The following AMPH variants were observed in gnomAD, a reference collection of about 807,000 sequenced individuals.
AMPH encodes amphiphysin (Stiff-Mann syndrome with breast cancer 128kD autoantigen).
A neutral mutation model predicts 99.1 loss-of-function variants in AMPH; 49 were observed. The ratio of observed to expected loss-of-function variants is 0.49; its 90% CI spans 0.39 to 0.63. The LOEUF is 0.63. Ranked by LOEUF, AMPH falls within the 20% of genes least tolerant of loss-of-function variation. The pLI is 0.00. For synonymous variants in AMPH, 314 were observed against 317.3 expected, an observed-to-expected ratio of 0.99 and a Z score of 0.11; for missense variants, 759 against 863.4, an observed-to-expected ratio of 0.88 and a Z score of 1.52.
intron 11 of AMPH, among the ~76,000 whole-genome samples, chr7:38,456,229 G>A (rs1305672062): frequency 4.6e-5 from 7 of 152,034 alleles, no homozygotes; most frequent in Non-Finnish European, 1.0e-4. Flanking sequence ...AAGGCACAAG[G>A]AAACTACGTG....
rs538791864 is a variant in AMPH at position 38,441,736 on chromosome 7, T to A, written c.1018-5348A>T. Among the ~76,000 whole-genome samples the A allele has an allele frequency of 2.0e-4, 29 of 148,094 alleles. No individual in the cohort carries two copies. In the South Asian group the frequency reaches 5.9e-3, roughly 30 times the overall value. The stretch of plus-strand genomic sequence containing the variant: ...AGGCCTGGATAAAGAAAATGATATA[T>A]ATGACAGATATATCATATATATATC... On this transcript the variant is annotated intron_variant, in intron 11 of 20. Coordinates refer to ENST00000356264, the MANE Select transcript of AMPH (RefSeq NM_001635.4).
At position 38,394,304 on chromosome 7, in the gene AMPH, T is replaced by A. The variant is rs1040632262; in HGVS notation, c.1399-90A>T. 5.3e-6 allele frequency: 7 copies of A among 1,331,764 alleles called. No homozygotes were observed. The Admixed American group carries it at 9.7e-5, about 18-fold the overall frequency. The allele number at this position is 1,331,764 out of a possible 1,614,324, so 82.5% of individuals were successfully genotyped here. On this transcript the variant is annotated intron_variant, in intron 17 of 20. Coordinates refer to ENST00000356264, the MANE Select transcript of AMPH (RefSeq NM_001635.4). ...AAGCCTATTTCTAATCTCCCCTCTGTGGAGGCTATTCAGATTTGGAACATT... is the reference window on the plus strand; with the variant it reads ...AAGCCTATTTCTAATCTCCCCTCTGAGGAGGCTATTCAGATTTGGAACATT...
intron 1 of AMPH, among the ~76,000 whole-genome samples, chr7:38,570,945 T>TC (rs1239815583): frequency 8.8e-5 from 2 of 22,688 alleles, no homozygotes; most frequent in Admixed American, 4.5e-4. Flanking sequence ...ATATATATAT[T>TC]TATATATATA....
intron 17 of AMPH, among the ~76,000 whole-genome samples, chr7:38,401,628 T>C (rs2128979763): frequency 6.6e-6 from 1 of 152,372 alleles, no homozygotes; most frequent in South Asian, 2.1e-4. Flanking sequence ...TAATAGCTTC[T>C]GACCTTTAGT....
At chr7:38,589,613 G>A (rs1792781683) in intron 1 of AMPH, among the ~76,000 whole-genome samples, 2 of 152,174 alleles carry the variant, frequency 1.3e-5, no homozygotes, top group African/African-American at 2.4e-5. Flanking sequence ...CAACAATTTT[G>A]TAGAATACTG....
chr7:38,527,127 A>C (rs1790219106), intron 2 of AMPH, among the ~76,000 whole-genome samples: 1 of 149,968 alleles, frequency 6.7e-6, no homozygotes, highest in Non-Finnish European at 1.5e-5. Context: ...CTACATGTCT[A>C]TCTCTCTGCC....
At chr7:38,516,799 G>A (rs1431898738) in intron 2 of AMPH, among the ~76,000 whole-genome samples, 1 of 152,226 alleles carries the variant, frequency 6.6e-6, no homozygotes, top group Non-Finnish European at 1.5e-5. Context: ...GAGCCACAGA[G>A]GCAGAGCTGC....
intron 1 of AMPH, among the ~76,000 whole-genome samples, chr7:38,615,899 T>C (rs2129068370): frequency 6.6e-6 from 1 of 152,156 alleles, no homozygotes; most frequent in East Asian, 1.9e-4. Context: ...GGCAGAGCAA[T>C]GAAGGTGAGC....
intron 1 of AMPH, among the ~76,000 whole-genome samples, chr7:38,570,452 C>T (rs1791901875): frequency 6.6e-6 from 1 of 152,016 alleles, no homozygotes; most frequent in South Asian, 2.1e-4. Context: ...AATGGTACTC[C>T]CATAAGATTG....
intron 1 of AMPH, among the ~76,000 whole-genome samples, chr7:38,599,668 T>C (rs1793177525): frequency 6.6e-6 from 1 of 152,166 alleles, no homozygotes; most frequent in Non-Finnish European, 1.5e-5. Context: ...GGTAAATATA[T>C]ATCTACATAT....
rs190753972 is a variant in AMPH, at chr7:38,429,737, T to A, written c.1182+105A>T. 5 of 1,384,214 alleles carry A rather than the reference T, an allele frequency of 3.6e-6. No homozygotes were observed. The Admixed American group carries it at 1.0e-4, about 29-fold the overall frequency. 85.7% of individuals were successfully genotyped at this position (1,384,214 alleles called of 1,614,324 possible). A position where few individuals can be genotyped will look rare whatever the true frequency, so the allele number is the denominator to read the frequency against. The stretch of plus-strand genomic sequence containing the variant: ...TTCATTGGCTTAAGGTTTAAATCTA[T>A]GACTAGCAATGCCATGGGGAAACAG... On this transcript the variant is annotated intron_variant, in intron 14 of 20. Transcript: ENST00000356264.
chr7:38,462,234 G>A (rs1205300972), intron 10 of AMPH, among the ~76,000 whole-genome samples: 1 of 152,148 alleles, frequency 6.6e-6, no homozygotes, highest in African/African-American at 2.4e-5. Flanking sequence ...TTTAAGGTAG[G>A]CTGGGCTAAG....
chr7:38,395,894 AG>A lies in AMPH; in HGVS notation c.1399-1681del, dbSNP rs369967076. ...TTTAAAAACGTTTCTGCTGGCTCAA[AG>A]GTACAGGTAATAGTTTAAATAAAAA... On this transcript the variant is annotated intron_variant, in intron 17 of 20. Coordinates refer to ENST00000356264, the MANE Select transcript of AMPH (RefSeq NM_001635.4). Among the ~76,000 whole-genome samples, 12 of 152,354 alleles carry A rather than the reference AG, an allele frequency of 7.9e-5. No homozygotes were observed. The South Asian group carries it at 2.5e-3, about 32-fold the overall frequency.
intron 1 of AMPH, among the ~76,000 whole-genome samples, chr7:38,571,282 T>TATATATAGA (rs1791998838): frequency 2.4e-5 from 1 of 41,116 alleles, no homozygotes; most frequent in Admixed American, 4.3e-4. Flanking sequence ...TATATATTTT[T>TATATATAGA]ATATATATTT....
chr7:38,436,105 T>C (rs2128995726), intron 12 of AMPH, among the ~76,000 whole-genome samples, 167 bp downstream of exon 12: 2 of 152,298 alleles, frequency 1.3e-5, no homozygotes, highest in East Asian at 3.9e-4. Context: ...TTAGAATAAC[T>C]GATATAGATA....
chr7:38,428,483 A>G (rs1218608189), intron 14 of AMPH: 1 of 456,702 alleles, frequency 2.2e-6, no homozygotes, highest in Non-Finnish European at 4.4e-6. Flanking sequence ...CCTGATTTTT[A>G]TCCCTGTCAC....
At chr7:38,620,253 C>G (rs1794003513) in intron 1 of AMPH, among the ~76,000 whole-genome samples, 2 of 151,948 alleles carry the variant, frequency 1.3e-5, no homozygotes, top group East Asian at 3.9e-4. Context: ...CTCTCTCGCT[C>G]GTTCACTCTC....
At chr7:38,593,901 G>A (rs984445451) in intron 1 of AMPH, among the ~76,000 whole-genome samples, 3 of 152,202 alleles carry the variant, frequency 2.0e-5, no homozygotes, top group African/African-American at 7.2e-5. Context: ...GCGGGAGGGT[G>A]GTGGGAAATG....
Position 38,389,892 on chromosome 7 carries a change from T to C in AMPH, c.1892A>G (p.His631Arg). ...PGFLYKVETL[H>R]DFEAANSDEL... ...ATCAGAATTTGCTGCCTCAAAATCA[T>C]GCAGTGTTTCCACCTGCAGAAGATA... is the stretch of plus-strand genomic sequence containing the variant. Residue 631 changes from histidine to arginine, a missense_variant, in exon 20 of 21, where the codon CAT becomes CGT. This residue lies in a region of AMPH where 554 missense variants were observed against 575.6 expected (regional missense o/e 0.96). Coordinates refer to ENST00000356264, the MANE Select transcript of AMPH (RefSeq NM_001635.4). 6.2e-7 allele frequency: 1 copy of C among 1,613,374 alleles called. No homozygotes were observed. The highest frequency in any genetic ancestry group is 8.5e-7 in the Non-Finnish European group (1 of 1,179,730).
Sources: allele counts gnomAD v4.1 joint callset (sites outside exome capture counted in the v4.1 genomes callset), GRCh38; gene constraint gnomAD v4.1.1; regional missense constraint gnomAD v4.1.1; transcripts MANE v1.5; gene names NCBI Gene and HGNC (gene_info 2026-07-23, HGNC 2026-07-21).